The following UGDH variants were observed in gnomAD, a reference collection of about 807,000 sequenced individuals.
The protein encoded by UGDH is UDP-Glc dehydrogenase.
Under a neutral mutation model 50.6 loss-of-function variants are expected in UGDH, and 38 were observed. The ratio of observed to expected loss-of-function variants is 0.75; its 90% CI spans 0.58 to 0.98. The LOEUF (loss-of-function observed/expected upper bound fraction) is 0.98. Ranked by LOEUF, UGDH falls within the 50% of genes least tolerant of loss-of-function variation. UGDH has a pLI of 0.00. For missense variants in UGDH, 465 were observed against 606.2 expected (o/e 0.77, Z 2.45); for synonymous variants, 168 against 199.9 (o/e 0.84, Z 1.35).
intron 11 of UGDH, among the ~76,000 whole-genome samples, chr4:39,502,048 T>C (rs1372430968): frequency 6.6e-6 from 1 of 152,254 alleles, no homozygotes; most frequent in Non-Finnish European, 1.5e-5. Context: ...ATTCCTGTTT[T>C]TTTTTAATTT....
Position 39,505,288 on chromosome 4 carries a change from C to T in UGDH, c.1120G>A (p.Glu374Lys), listed in dbSNP as rs937346725. 3.7e-6 allele frequency: 6 copies of T among 1,604,098 alleles called. No individual in the cohort carries two copies. The highest frequency in any genetic ancestry group is 5.1e-6 in the Non-Finnish European group (6 of 1,176,996). ...LHIYDPKVPREQIVVDLSHPG... is the reference protein window; with the variant it reads ...LHIYDPKVPRKQIVVDLSHPG... ...TGAGAAAGATCCACAACTATTTGTT[C>T]CCTAGGTACTTTTGGATCATATATA... The change falls in exon 9 of 12, where the codon GAA becomes AAA. Residue 374 changes from glutamate (E) to lysine (K), a missense_variant. Coordinates refer to ENST00000316423, the MANE Select transcript of UGDH (RefSeq NM_003359.4).
intron 8 of UGDH, 76 bp downstream of exon 8, chr4:39,505,542 C>A: frequency 1.4e-6 from 2 of 1,390,218 alleles, no homozygotes; most frequent in African/African-American, 1.4e-5. Context: ...TTTATGTACA[C>A]CTACCCCAAT....
Position 39,505,719 on chromosome 4 carries a change from C to T in UGDH, c.936G>A (p.Arg312=), listed in dbSNP as rs752674263. 21 of 1,609,024 alleles carry T rather than the reference C, an allele frequency of 1.3e-5. No homozygotes were observed. Among genetic ancestry groups the T allele is most frequent in the Non-Finnish European group, 1.7e-5 (20 of 1,177,280 alleles). Residue 312 remains arginine (R), a synonymous_variant, in exon 8 of 12, where the codon AGG becomes AGA. Transcript: ENST00000316423. ...TATCTATGATCCGGGAAGCAAACCT[C>T]CTCCTCTGGTAGTCATTCATGTCTA... ...QVIDMNDYQR[R]RFASRIIDSL...
intron 11 of UGDH, among the ~76,000 whole-genome samples, chr4:39,503,283 T>TC (rs1247216872): frequency 6.6e-6 from 1 of 152,116 alleles, no homozygotes; most frequent in African/African-American, 2.4e-5. Context: ...CTCCTGGCCT[T>TC]AAGTGGTCTA....
intron 1 of UGDH, among the ~76,000 whole-genome samples, chr4:39,526,712 C>T (rs1239254583): frequency 1.3e-5 from 2 of 152,128 alleles, no homozygotes; most frequent in Non-Finnish European, 2.9e-5. Context: ...AGGCCTTCCC[C>T]GACATCAAAC....
At chr4:39,519,642 G>A (rs763973600) in intron 2 of UGDH, among the ~76,000 whole-genome samples, 68 of 152,114 alleles carry the variant, frequency 4.5e-4, no homozygotes, top group African/African-American at 1.5e-3. Context: ...GGGTACAAGC[G>A]ATTCTCCTGC....
chr4:39,524,640 C>T (rs945585481), intron 1 of UGDH, among the ~76,000 whole-genome samples: 3 of 152,118 alleles, frequency 2.0e-5, no homozygotes, highest in South Asian at 4.2e-4. Context: ...TACCAAGTAC[C>T]TGGGACTACA....
intron 6 of UGDH, 61 bp downstream of exon 6, chr4:39,509,697 CAA>C: frequency 6.5e-7 from 1 of 1,544,030 alleles, no homozygotes; most frequent in Non-Finnish European, 8.7e-7. Flanking sequence ...CTGGTACCAG[CAA>C]ATAATATGCC....
intron 2 of UGDH, among the ~76,000 whole-genome samples, chr4:39,520,463 G>A (rs907419485): frequency 6.6e-6 from 1 of 151,550 alleles, no homozygotes. Context: ...AGCATAATAT[G>A]ATGAACTCAT....
At chr4:39,500,745 CTCCTAGGT>C (rs1252812389) in intron 11 of UGDH, among the ~76,000 whole-genome samples, 2 of 149,988 alleles carry the variant, frequency 1.3e-5, no homozygotes, top group African/African-American at 2.5e-5. Flanking sequence ...CAACCTCCGT[CTCCTAGGT>C]TCAAGCAATT....
intron 2 of UGDH, among the ~76,000 whole-genome samples, chr4:39,515,011 C>G: frequency 6.6e-6 from 1 of 152,048 alleles, no homozygotes; most frequent in South Asian, 2.1e-4. Flanking sequence ...GGGTTTCGCT[C>G]TGTTCCCCAG....
Position 39,503,969 on chromosome 4 carries a change from C to A in UGDH, c.1280G>T (p.Arg427Leu). Residue 427 changes from arginine to leucine, a missense_variant, in exon 11 of 12, where the codon CGC becomes CTC. By Grantham distance (102) the Arg-to-Leu change is moderately radical. Coordinates refer to ENST00000316423, the MANE Select transcript of UGDH (RefSeq NM_003359.4). ...WDMFKELDYE[R>L]IHKKMLKPAF... ...TGGCTTTAGCATTTTTTTATGAATG[C>A]GTTCATAATCCAATTCCTGTAAAGA... 6.2e-7 allele frequency: 1 copy of A among 1,613,956 alleles called. No individual in the cohort carries two copies. The highest frequency in any genetic ancestry group is 8.5e-7 in the Non-Finnish European group (1 of 1,179,926).
At chr4:39,501,373 A>T (rs1745808621) in intron 11 of UGDH, among the ~76,000 whole-genome samples, 1 of 150,728 alleles carries the variant, frequency 6.6e-6, no homozygotes, top group Non-Finnish European at 1.5e-5. Context: ...CTCCCGGTTC[A>T]CACCATTCTC....
At chr4:39,502,738 T>C (rs1560685009) in intron 11 of UGDH, among the ~76,000 whole-genome samples, 1 of 152,160 alleles carries the variant, frequency 6.6e-6, no homozygotes. Context: ...AAATGTTCCA[T>C]AATTGACAAA....
chr4:39,510,575 T>C (rs769611453), intron 4 of UGDH, 25 bp from the exon 5 acceptor site: 186 of 1,613,786 alleles, frequency 1.2e-4, no homozygotes, highest in Non-Finnish European at 1.6e-4. Context: ...CAAAGGAAAG[T>C]TTTAAGCTAG....
chr4:39,526,921 G>A (rs1746922703), intron 1 of UGDH: 1 of 910,256 alleles, frequency 1.1e-6, no homozygotes, highest in Admixed American at 2.9e-5. Flanking sequence ...CTACGACTCT[G>A]CGGCCAAAAT....
Position 39,505,712 on chromosome 4 carries a change from CA to C in UGDH, c.942del (p.Phe314LeufsTer6). On this transcript the variant is annotated frameshift_variant, in exon 8 of 12. Transcript: ENST00000316423. LOFTEE classifies it high-confidence loss of function. ...IDMNDYQRRR[F>X]ASRIIDSLFN... Reference sequence around the variant, plus strand: ...AACAGACTATCTATGATCCGGGAAGCAAACCTCCTCCTCTGGTAGTCATTCA... The same window carrying C: ...AACAGACTATCTATGATCCGGGAAGCAACCTCCTCCTCTGGTAGTCATTCA... 1 of 1,609,538 alleles carries C rather than the reference CA, an allele frequency of 6.2e-7. No homozygotes were observed. Among genetic ancestry groups the C allele is most frequent in the Non-Finnish European group, 8.5e-7 (1 of 1,177,542 alleles).
At chr4:39,504,225 G>A (rs758260434) in intron 10 of UGDH, among the ~76,000 whole-genome samples, 192 bp downstream of exon 10, 3 of 151,784 alleles carry the variant, frequency 2.0e-5, no homozygotes, top group African/African-American at 4.8e-5. Flanking sequence ...GGAGAATGGC[G>A]TGAACCCAGG....
At chr4:39,525,367 T>C (rs1335162855) in intron 1 of UGDH, among the ~76,000 whole-genome samples, 1 of 151,848 alleles carries the variant, frequency 6.6e-6, no homozygotes, top group Non-Finnish European at 1.5e-5. Flanking sequence ...CTAGTTTTTA[T>C]ATATTTAGTA....
Sources: gnomAD v4.1 joint callset for allele counts (sites outside exome capture counted in the v4.1 genomes callset) on GRCh38, gnomAD v4.1.1 for gene constraint, MANE v1.5 for transcripts, NCBI Gene and HGNC (gene_info 2026-07-23, HGNC 2026-07-21) for gene names.